Variants in GATAD2A observed in about 807,000 individuals in gnomAD.
GATAD2A encodes GATA zinc finger domain containing 2A, also known as transcriptional repressor p66-alpha.
In GATAD2A, 12 loss-of-function variants were observed where a neutral mutation model predicts 68.5. The ratio of observed to expected loss-of-function variants is 0.18; its 90% CI spans 0.11 to 0.28. GATAD2A has a LOEUF of 0.28. GATAD2A is among the 10% of genes least tolerant of loss of function. GATAD2A has a pLI of 1.00. For synonymous variants in GATAD2A, 410 were observed against 375.3 expected (o/e 1.09, Z -1.07); for missense variants, 755 against 868.5 (o/e 0.87, Z 1.64).
chr19:19,400,261 C>T (rs2049608870), intron 1 of GATAD2A, among the ~76,000 whole-genome samples: 1 of 134,098 alleles, frequency 7.5e-6, no homozygotes, highest in African/African-American at 2.5e-5. Context: ...AGGACAGTGC[C>T]AGGGCCACAC....
intron 1 of GATAD2A, among the ~76,000 whole-genome samples, chr19:19,420,960 A>G (rs770512572): frequency 3.1e-4 from 47 of 152,248 alleles, no homozygotes; most frequent in Admixed American, 1.4e-3. Context: ...TTGTCAACAT[A>G]TTAGAGATGA....
intron 1 of GATAD2A, among the ~76,000 whole-genome samples, chr19:19,463,072 T>C (rs890119422): frequency 6.6e-6 from 1 of 152,096 alleles, no homozygotes; most frequent in African/African-American, 2.4e-5. Context: ...AAGGCCAGAC[T>C]GGGAAGCTTC....
At position 19,496,036 on chromosome 19, in the gene GATAD2A, C is replaced by T. The variant is rs1403742005; in HGVS notation, c.757-16C>T. The T allele has an allele frequency of 1.9e-6, 3 of 1,611,404 alleles. No individual in the cohort carries two copies. The East Asian group carries it at 6.7e-5, about 36-fold the overall frequency. ...TCTCAGTCAGATTTCTTGTTCTCCC[C>T]ACCCTACCCCAACAGCAAATCCACA... On this transcript the variant is annotated splice_polypyrimidine_tract_variant and intron_variant, in intron 6 of 11. Coordinates refer to ENST00000683918, the MANE Select transcript of GATAD2A (RefSeq NM_001384528.1).
At chr19:19,475,688 G>T (rs753537790) in intron 2 of GATAD2A, among the ~76,000 whole-genome samples, 12 of 152,122 alleles carry the variant, frequency 7.9e-5, no homozygotes, top group Non-Finnish European at 1.3e-4. Context: ...TGTTCCCTTG[G>T]GAATCTGTTT....
chr19:19,465,323 T>A lies in GATAD2A; in HGVS notation c.-6-17T>A, dbSNP rs1180858552. 6.2e-7 allele frequency: 1 copy of A among 1,607,678 alleles called. No individual in the cohort carries two copies. The highest frequency in any genetic ancestry group is 2.2e-5 in the East Asian group (1 of 44,848). ...TTGCACCCAGTTAAAATGTTGTGTCTTCTCCTCCCTCCCAAGTTCAGAATG... is the reference window on the plus strand; with the variant it reads ...TTGCACCCAGTTAAAATGTTGTGTCATCTCCTCCCTCCCAAGTTCAGAATG... On this transcript the variant is annotated splice_polypyrimidine_tract_variant and intron_variant, in intron 1 of 11. Coordinates refer to ENST00000683918, the MANE Select transcript of GATAD2A (RefSeq NM_001384528.1).
chr19:19,448,089 G>C (rs936477359), intron 1 of GATAD2A, among the ~76,000 whole-genome samples: 3 of 152,230 alleles, frequency 2.0e-5, no homozygotes, highest in Admixed American at 6.5e-5. Flanking sequence ...CCCTTCGTAG[G>C]CCACGTAGGC....
chr19:19,428,931 C>T (rs191455428), intron 1 of GATAD2A, among the ~76,000 whole-genome samples: 27 of 152,156 alleles, frequency 1.8e-4, no homozygotes, highest in East Asian at 1.4e-3. Flanking sequence ...GGGGCTGTGC[C>T]GTGCCCATGG....
At chr19:19,491,411 C>G (rs1046701853) in intron 2 of GATAD2A, among the ~76,000 whole-genome samples, 6 of 152,106 alleles carry the variant, frequency 3.9e-5, no homozygotes, top group African/African-American at 1.4e-4. Context: ...CTCCCCAGAC[C>G]GTGGCAAATT....
chr19:19,442,670 C>T (rs552817487), intron 1 of GATAD2A, among the ~76,000 whole-genome samples: 2 of 151,658 alleles, frequency 1.3e-5, no homozygotes, highest in East Asian at 1.9e-4. Context: ...TGTGGTTATA[C>T]GCACCTGCCA....
intron 1 of GATAD2A, among the ~76,000 whole-genome samples, chr19:19,454,729 C>CGCG (rs917740664): frequency 1.1e-4 from 6 of 52,544 alleles, no homozygotes; most frequent in African/African-American, 5.5e-4. Flanking sequence ...AGCCACTGTG[C>CGCG]CCCCCCCCAC....
intron 2 of GATAD2A, among the ~76,000 whole-genome samples, chr19:19,474,732 T>C (rs887347310): frequency 1.2e-4 from 18 of 152,228 alleles, no homozygotes; most frequent in African/African-American, 4.3e-4. Flanking sequence ...GGTTACAAAT[T>C]GTGTGTGTGG....
intron 1 of GATAD2A, among the ~76,000 whole-genome samples, chr19:19,462,947 G>A (rs1274251325): frequency 6.6e-6 from 1 of 152,146 alleles, no homozygotes; most frequent in African/African-American, 2.4e-5. Flanking sequence ...GCTGGAACAG[G>A]GGCAGAGTGG....
intron 1 of GATAD2A, among the ~76,000 whole-genome samples, chr19:19,391,610 A>G (rs761017444): frequency 1.4e-4 from 21 of 152,348 alleles, no homozygotes; most frequent in Middle Eastern, 3.4e-3. Flanking sequence ...CCAAGTCTCT[A>G]TCTAACAGGA....
At chr19:19,492,128 G>A (rs1392983159) in intron 2 of GATAD2A, among the ~76,000 whole-genome samples, 178 bp from the exon 3 acceptor site, 2 of 152,216 alleles carry the variant, frequency 1.3e-5, no homozygotes, top group East Asian at 1.9e-4. Flanking sequence ...GCCCTATGAC[G>A]TGTGGGTAAG....
At chr19:19,461,722 C>T (rs924536600) in intron 1 of GATAD2A, among the ~76,000 whole-genome samples, 2 of 152,218 alleles carry the variant, frequency 1.3e-5, no homozygotes, top group Non-Finnish European at 2.9e-5. Context: ...TCAGAGGAGA[C>T]CGATGCCCAC....
chr19:19,482,793 T>C (rs2059147892), intron 2 of GATAD2A, among the ~76,000 whole-genome samples: 2 of 152,094 alleles, frequency 1.3e-5, no homozygotes, highest in African/African-American at 4.8e-5. Flanking sequence ...AATGCATGTG[T>C]CTTCCTGTAT....
At position 19,498,454 on chromosome 19, in the gene GATAD2A, A is replaced by C. The variant is rs763165606; in HGVS notation, c.936A>C (p.Ala312=). The C allele has an allele frequency of 5.0e-6, 8 of 1,601,694 alleles. No homozygotes were observed. The highest frequency in any genetic ancestry group is 6.8e-6 in the Non-Finnish European group (8 of 1,169,640). ...TTTGTCTCCCAAAGCCCACCCCAGC[A>C]TCACTGAAGGGGACAACAGCCACCT... is the stretch of plus-strand genomic sequence containing the variant. ...LLVNIPQPTP[A]SLKGTTATSA... Residue 312 remains alanine (A), a synonymous_variant, in exon 8 of 12, where the codon GCA becomes GCC. Coordinates refer to ENST00000683918, the MANE Select transcript of GATAD2A (RefSeq NM_001384528.1).
Position 19,462,432 on chromosome 19 carries a change from G to A in GATAD2A, c.-6-2908G>A, listed in dbSNP as rs1315034500. ...TCCAGCTGTGCCTGTCCTTCCTGAG[G>A]TGGGGGAGGGGTGCCGCAGGGCCCC... On this transcript the variant is annotated intron_variant, in intron 1 of 11. Transcript: ENST00000683918. 4.6e-5 allele frequency among the ~76,000 whole-genome samples: 7 copies of A among 152,366 alleles called. No individual in the cohort carries two copies. The East Asian group carries it at 1.3e-3, about 29-fold the overall frequency.
chr19:19,441,296 A>G (rs2055043349), intron 1 of GATAD2A, among the ~76,000 whole-genome samples: 1 of 152,208 alleles, frequency 6.6e-6, no homozygotes, highest in South Asian at 2.1e-4. Context: ...CCTGTTATAT[A>G]TTGTAGGAGA....
Sources: allele counts gnomAD v4.1 joint callset (sites outside exome capture counted in the v4.1 genomes callset), GRCh38; gene constraint gnomAD v4.1.1; transcripts MANE v1.5; gene names NCBI Gene and HGNC (gene_info 2026-07-23, HGNC 2026-07-21).